PRLR: variants seen among roughly 807,000 people sequenced by gnomAD.
The protein encoded by PRLR is hPRL receptor.
A neutral mutation model predicts 40.2 loss-of-function variants in PRLR; 13 were observed. That is an observed-to-expected ratio of 0.32 (90% CI 0.21 to 0.51). PRLR has a LOEUF of 0.51. Among genes scored for constraint, PRLR ranks in the 20% least tolerant of loss-of-function variants. PRLR has a pLI of 0.97. For synonymous variants in PRLR, 269 were observed against 278.7 expected (o/e 0.97, Z 0.35); for missense variants, 656 against 747.3 (o/e 0.88, Z 1.42).
chr5:35,090,517 T>A (rs1771130277), intron 2 of PRLR, among the ~76,000 whole-genome samples: 1 of 152,198 alleles, frequency 6.6e-6, no homozygotes, highest in Admixed American at 6.5e-5. Context: ...ATAGATTTAA[T>A]GAACTAAGTG....
At chr5:35,202,078 C>A (rs1425129317) in intron 1 of PRLR, among the ~76,000 whole-genome samples, 1 of 152,148 alleles carries the variant, frequency 6.6e-6, no homozygotes. Context: ...AGCTGTGTGA[C>A]CTTGGACAAG....
chr5:35,064,835 T>A lies in PRLR; in HGVS notation c.*254A>T. 1 of 473,772 alleles carries A rather than the reference T, an allele frequency of 2.1e-6. No homozygotes were observed. Among genetic ancestry groups the A allele is most frequent in the South Asian group, 3.1e-5 (1 of 32,620 alleles). The allele number at this position is 473,772 out of a possible 1,614,324, so 29.3% of individuals were successfully genotyped here. ...TGTCCCTCAAGAATACTAAGCAGTG[T>A]GCTTTTATTTCATTGAACACATAGT... On this transcript the variant is annotated 3_prime_UTR_variant, in exon 10 of 10. Transcript: ENST00000618457.
At chr5:35,168,066 T>C (rs967152291) in intron 1 of PRLR, among the ~76,000 whole-genome samples, 1 of 152,038 alleles carries the variant, frequency 6.6e-6, no homozygotes, top group African/African-American at 2.4e-5. Context: ...GGTAGAGTTA[T>C]ACATAATATC....
At chr5:35,071,356 T>C (rs1272836879) in intron 6 of PRLR, among the ~76,000 whole-genome samples, 1 of 152,196 alleles carries the variant, frequency 6.6e-6, no homozygotes, top group Non-Finnish European at 1.5e-5. Context: ...GAGCAGATTC[T>C]GGTTTGGACA....
At chr5:35,074,539 C>T (rs1376150446) in intron 5 of PRLR, among the ~76,000 whole-genome samples, 15 of 138,164 alleles carry the variant, frequency 1.1e-4, no homozygotes, top group South Asian at 6.4e-4. Context: ...AATATCCAGA[C>T]GAGGCAAACT....
chr5:35,164,934 C>T (rs1394304359), intron 1 of PRLR, among the ~76,000 whole-genome samples: 1 of 152,076 alleles, frequency 6.6e-6, no homozygotes, highest in Non-Finnish European at 1.5e-5. Context: ...AAGATGATTC[C>T]TAAGTTTCTG....
At chr5:35,086,166 G>A (rs1488005559) in intron 4 of PRLR, 42 bp downstream of exon 4, 4 of 1,608,690 alleles carry the variant, frequency 2.5e-6, no homozygotes, top group East Asian at 2.2e-5. Context: ...GAGAATGGGA[G>A]TACTCATGTG....
chr5:35,210,237 T>C (rs1323781736), intron 1 of PRLR, among the ~76,000 whole-genome samples: 2 of 152,176 alleles, frequency 1.3e-5, no homozygotes, highest in East Asian at 3.9e-4. Context: ...TACTTATAAA[T>C]GCAATTGAAT....
At chr5:35,158,063 AG>A (rs1358850143) in intron 1 of PRLR, among the ~76,000 whole-genome samples, 2 of 152,214 alleles carry the variant, frequency 1.3e-5, no homozygotes, top group Non-Finnish European at 2.9e-5. Context: ...TCTCAAAGTC[AG>A]GTCAGGCAGG....
chr5:35,166,872 T>C (rs1023637101), intron 1 of PRLR, among the ~76,000 whole-genome samples: 1 of 152,176 alleles, frequency 6.6e-6, no homozygotes, highest in Admixed American at 6.5e-5. Flanking sequence ...ATTATTGGTA[T>C]GTCAGCATCA....
chr5:35,107,199 C>A (rs1445978807), intron 2 of PRLR, among the ~76,000 whole-genome samples: 2 of 152,164 alleles, frequency 1.3e-5, no homozygotes, highest in East Asian at 3.8e-4. Context: ...ACACTACATA[C>A]CAGAATCTCT....
intron 1 of PRLR, among the ~76,000 whole-genome samples, chr5:35,139,333 C>T (rs1327559600): frequency 6.6e-6 from 1 of 152,112 alleles, no homozygotes; most frequent in Non-Finnish European, 1.5e-5. Context: ...CAGGGTTTCA[C>T]CATGTTGGCC....
At chr5:35,156,148 AAAAC>A (rs1774497610) in intron 1 of PRLR, among the ~76,000 whole-genome samples, 5 of 150,412 alleles carry the variant, frequency 3.3e-5, no homozygotes, top group African/African-American at 1.0e-4. Flanking sequence ...AACAAAAAAA[AAAAC>A]AAAACCAACT....
At chr5:35,139,763 C>T (rs1773962469) in intron 1 of PRLR, among the ~76,000 whole-genome samples, 1 of 152,130 alleles carries the variant, frequency 6.6e-6, no homozygotes, top group African/African-American at 2.4e-5. Flanking sequence ...TTACCAAAGC[C>T]AGTTTGGAAA....
intron 5 of PRLR, 138 bp from the exon 6 acceptor site, chr5:35,072,882 G>A (rs1404944612): frequency 7.2e-6 from 7 of 972,520 alleles, no homozygotes; most frequent in Non-Finnish European, 1.0e-5. Context: ...AAATACCCGG[G>A]CCTTTTGTCT....
chr5:35,065,164 T>C lies in PRLR; in HGVS notation c.1794A>G (p.Thr598=). The C allele has an allele frequency of 6.2e-7, 1 of 1,614,222 alleles. No homozygotes were observed. The highest frequency in any genetic ancestry group is 1.1e-5 in the South Asian group (1 of 91,086). The change falls in exon 10 of 10, where the codon ACA becomes ACG. Residue 598 remains threonine, a synonymous_variant. Coordinates refer to ENST00000618457, the MANE Select transcript of PRLR (RefSeq NM_000949.7). ...CCAGCTGGAGCCTGCACTTGCTTGA[T>C]GTTGCAGTGAAGTTGGCCAGGGCTT... ...AEKALANFTA[T]SSKCRLQLGG...
chr5:35,127,671 T>C (rs1267738889), intron 1 of PRLR, among the ~76,000 whole-genome samples: 2 of 152,102 alleles, frequency 1.3e-5, no homozygotes, highest in South Asian at 2.1e-4. Flanking sequence ...TATTCAGCCA[T>C]AGAAAAAAAG....
chr5:35,051,534 T>A (rs1561244428), downstream of PRLR, among the ~76,000 whole-genome samples: 1 of 152,220 alleles, frequency 6.6e-6, no homozygotes, highest in Non-Finnish European at 1.5e-5. Context: ...TCACTATGAC[T>A]GGGATTGTTC....
At chr5:35,080,605 T>C (rs1042609044) in intron 5 of PRLR, among the ~76,000 whole-genome samples, 5 of 152,204 alleles carry the variant, frequency 3.3e-5, no homozygotes, top group African/African-American at 4.8e-5. Flanking sequence ...GACTGTAAAC[T>C]AGTTCAACCA....
Sources: allele counts gnomAD v4.1 joint callset (sites outside exome capture counted in the v4.1 genomes callset), GRCh38; gene constraint gnomAD v4.1.1; transcripts MANE v1.5; gene names NCBI Gene and HGNC (gene_info 2026-07-23, HGNC 2026-07-21).